ZHX3: variants seen among roughly 807,000 people sequenced by gnomAD.
ZHX3 encodes zinc fingers and homeoboxes protein 3.
Under a neutral mutation model 64.5 loss-of-function variants are expected in ZHX3, and 20 were observed. That is an observed-to-expected ratio of 0.31 (90% CI 0.22 to 0.45). The LOEUF is 0.45. Ranked by LOEUF, ZHX3 falls within the 20% of genes least tolerant of loss-of-function variation. The pLI is 1.00. For missense variants in ZHX3, 1,041 were observed against 1,195.8 expected (o/e 0.87, Z 1.91); for synonymous variants, 423 against 461.6 (o/e 0.92, Z 1.07).
intron 2 of ZHX3, among the ~76,000 whole-genome samples, chr20:41,210,330 A>C (rs1359480500): frequency 2.0e-5 from 3 of 152,244 alleles, no homozygotes; most frequent in Non-Finnish European, 4.4e-5. Flanking sequence ...CATTTGACCC[A>C]GCCATCCCAT....
intron 1 of ZHX3, among the ~76,000 whole-genome samples, chr20:41,301,636 T>G (rs922851734): frequency 2.0e-5 from 3 of 152,122 alleles, no homozygotes; most frequent in Non-Finnish European, 2.9e-5. Flanking sequence ...TTCCCTCCTG[T>G]GTTTGCACAG....
intron 2 of ZHX3, among the ~76,000 whole-genome samples, chr20:41,206,599 G>A (rs199638390): frequency 3.3e-5 from 5 of 151,956 alleles, no homozygotes; most frequent in African/African-American, 1.2e-4. Context: ...AGTTTAGAGA[G>A]AAAAGAGAAA....
intron 2 of ZHX3, among the ~76,000 whole-genome samples, chr20:41,242,273 T>C (rs2041431792): frequency 6.6e-6 from 1 of 152,216 alleles, no homozygotes; most frequent in African/African-American, 2.4e-5. Context: ...AAACCAAGGC[T>C]TGAATGGCTA....
rs147882977 is a variant in ZHX3, at chr20:41,221,207, T to C, written c.-150-16141A>G. 7.0e-3 allele frequency among the ~76,000 whole-genome samples: 1,066 copies of C among 152,276 alleles called. 31 individuals carry two copies. Among genetic ancestry groups the C allele is most frequent in the Admixed American group, 0.059 (898 of 15,284 alleles). On this transcript the variant is annotated intron_variant, in intron 2 of 3. Transcript: ENST00000683867. ...CTAAATCTAAATCTAATTCTCCAGA[T>C]GTAGTCTGAGCGTATTTATCACCTT...
At chr20:41,261,282 C>G (rs569907319) in intron 2 of ZHX3, among the ~76,000 whole-genome samples, 3 of 152,106 alleles carry the variant, frequency 2.0e-5, no homozygotes, top group African/African-American at 7.2e-5. Flanking sequence ...AGAAATGAGA[C>G]AATCTAAGAT....
chr20:41,213,341 A>G lies in ZHX3; in HGVS notation c.-150-8275T>C, dbSNP rs571112592. On this transcript the variant is annotated intron_variant, in intron 2 of 3. Coordinates refer to ENST00000683867, the MANE Select transcript of ZHX3 (RefSeq NM_001384317.1). ...ATCGAAACCAAGAAAGGTAGAGGAC[A>G]GTAAATTATAGCACTCAGTTCTATA... Among the ~76,000 whole-genome samples, 10 of 152,350 alleles carry G rather than the reference A, an allele frequency of 6.6e-5. 3 individuals carry two copies. Among genetic ancestry groups the G allele is most frequent in the African/African-American group, 2.4e-4 (10 of 41,578 alleles).
chr20:41,194,556 T>G (rs2146164670), intron 3 of ZHX3, among the ~76,000 whole-genome samples: 1 of 152,306 alleles, frequency 6.6e-6, no homozygotes, highest in African/African-American at 2.4e-5. Context: ...CTTGTCTTGC[T>G]CTGGTGTCAG....
intron 1 of ZHX3, among the ~76,000 whole-genome samples, chr20:41,276,018 G>C (rs2043360747): frequency 6.6e-6 from 1 of 152,186 alleles, no homozygotes; most frequent in African/African-American, 2.4e-5. Flanking sequence ...CTCTTTGGTT[G>C]GTGGTGGCAT....
Position 41,202,342 on chromosome 20 carries a change from T to C in ZHX3, c.2575A>G (p.Met859Val), listed in dbSNP as rs770438274. The change falls in exon 3 of 4, where the codon ATG becomes GTG. Residue 859 changes from methionine (M) to valine (V), a missense_variant. Coordinates refer to ENST00000683867, the MANE Select transcript of ZHX3 (RefSeq NM_001384317.1). This position sits in a 1 kb window ranked among gnomAD's most constrained non-coding sequence, Gnocchi z 7.0. ...TTCTGCAGGTCCTCTTCATACAGCA[T>C]CTTGTGTGTCATGTAATAGTCCTGC... ...LLQDYYMTHK[M>V]LYEEDLQNLC... 22 of 1,614,024 alleles carry C rather than the reference T, an allele frequency of 1.4e-5. No individual in the cohort carries two copies. Among genetic ancestry groups the C allele is most frequent in the Non-Finnish European group, 1.8e-5 (21 of 1,180,030 alleles).
At chr20:41,313,632 C>T (rs890416612) in intron 1 of ZHX3, among the ~76,000 whole-genome samples, 3 of 121,966 alleles carry the variant, frequency 2.5e-5, no homozygotes, top group Non-Finnish European at 4.8e-5. Context: ...GAGTCTCACT[C>T]TGTCGCCCAG....
chr20:41,317,361 T>G (rs956447962), intron 1 of ZHX3, 148 bp downstream of exon 1: 2 of 152,804 alleles, frequency 1.3e-5, no homozygotes, highest in African/African-American at 4.8e-5. Context: ...GGGAGGGGGC[T>G]GACTGAGACT....
At chr20:41,282,481 C>T (rs567509825) in intron 1 of ZHX3, among the ~76,000 whole-genome samples, 60 of 151,408 alleles carry the variant, frequency 4.0e-4, no homozygotes, top group African/African-American at 1.4e-3. Context: ...GCCTCAGCCT[C>T]CTGAGTAGTT....
rs2045326292 is a variant in ZHX3, at chr20:41,317,612, G to C, written c.-348C>G. On this transcript the variant is annotated 5_prime_UTR_variant, in exon 1 of 4. Coordinates refer to ENST00000683867, the MANE Select transcript of ZHX3 (RefSeq NM_001384317.1). The stretch of plus-strand genomic sequence containing the variant: ...GGGCGGCCGGCGCAGGCCCCGCAGA[G>C]GCGGCGGCGGCGGCGACGCCGGAGC... 1 of 148,286 alleles carries C rather than the reference G, an allele frequency of 6.7e-6. No individual in the cohort carries two copies. Among genetic ancestry groups the C allele is most frequent in the African/African-American group, 2.4e-5 (1 of 41,024 alleles). 9.2% of individuals were successfully genotyped at this position (148,286 alleles called of 1,614,324 possible). A position where few individuals can be genotyped will look rare whatever the true frequency, so the allele number is the denominator to read the frequency against.
At position 41,201,997 on chromosome 20, in the gene ZHX3, C is replaced by T. The variant is rs2038259026; in HGVS notation, c.2860+60G>A. 10 of 1,503,230 alleles carry T rather than the reference C, an allele frequency of 6.7e-6. No individual in the cohort carries two copies. In the East Asian group the frequency reaches 1.8e-4, roughly 28 times the overall value. 93.1% of individuals were successfully genotyped at this position (1,503,230 alleles called of 1,614,324 possible). On this transcript the variant is annotated intron_variant, in intron 3 of 3. Coordinates refer to ENST00000683867, the MANE Select transcript of ZHX3 (RefSeq NM_001384317.1). This position sits in a 1 kb window ranked among gnomAD's most constrained non-coding sequence, Gnocchi z 5.0. ...CCTGTGCAGTAAATTCAGTGCCCAACCATAAGTGCCTCCTCCCCTTACCCA... is the reference window on the plus strand; with the variant it reads ...CCTGTGCAGTAAATTCAGTGCCCAATCATAAGTGCCTCCTCCCCTTACCCA...
At chr20:41,264,106 C>A (rs543083685) in intron 2 of ZHX3, among the ~76,000 whole-genome samples, 2 of 152,114 alleles carry the variant, frequency 1.3e-5, no homozygotes, top group Admixed American at 6.6e-5. Flanking sequence ...AGACCAACAT[C>A]TTTTAAAAAT....
intron 2 of ZHX3, among the ~76,000 whole-genome samples, chr20:41,252,249 T>A (rs936511980): frequency 6.6e-6 from 1 of 151,638 alleles, no homozygotes; most frequent in Non-Finnish European, 1.5e-5. Context: ...GGGCTGGGAG[T>A]GGGAAATGAG....
chr20:41,184,951 G>A lies in ZHX3; in HGVS notation c.*240C>T. The A allele has an allele frequency of 6.5e-7, 1 of 1,545,400 alleles. No homozygotes were observed. Among genetic ancestry groups the A allele is most frequent in the East Asian group, 2.4e-5 (1 of 40,928 alleles). On this transcript the variant is annotated 3_prime_UTR_variant, in exon 4 of 4. Transcript: ENST00000683867. ...TTATCCATTGGAAGGTAAAGGAAAG[G>A]TCCTACATTGTGGGAGGAAGAACTG...
At chr20:41,196,417 A>AT (rs2037549085) in intron 3 of ZHX3, among the ~76,000 whole-genome samples, 1 of 33,218 alleles carries the variant, frequency 3.0e-5, no homozygotes, top group East Asian at 6.4e-4. Context: ...TATTATATAT[A>AT]ATATATATTT....
chr20:41,260,463 G>T (rs1484559316), intron 2 of ZHX3, among the ~76,000 whole-genome samples: 1 of 152,136 alleles, frequency 6.6e-6, no homozygotes, highest in African/African-American at 2.4e-5. Flanking sequence ...GTGGACACTT[G>T]AACTCCAGAT....
Sources: allele counts gnomAD v4.1 joint callset (sites outside exome capture counted in the v4.1 genomes callset), GRCh38; gene constraint gnomAD v4.1.1; non-coding constraint Gnocchi (gnomAD v3.1); transcripts MANE v1.5; gene names NCBI Gene and HGNC (gene_info 2026-07-23, HGNC 2026-07-21).